ATG7: variants seen among roughly 807,000 people sequenced by gnomAD.
ATG7 encodes the protein ubiquitin-like modifier-activating enzyme ATG7.
ATG7 carries 70 observed loss-of-function variants against 82.4 expected under a neutral mutation model. The ratio of observed to expected loss-of-function variants is 0.85; its 90% CI spans 0.70 to 1.04. The LOEUF is 1.04. Among genes scored for constraint, ATG7 ranks in the 50% least tolerant of loss-of-function variants. The probability of loss-of-function intolerance (pLI) is 0.00; values close to 1 mark genes in which losing one functional copy is unlikely to be tolerated. For missense variants in ATG7, 792 were observed against 864.3 expected, an observed-to-expected ratio of 0.92 and a Z score of 1.05; for synonymous variants, 287 against 313.0, an observed-to-expected ratio of 0.92 and a Z score of 0.88.
At position 11,439,643 on chromosome 3, in the gene ATG7, G is replaced by A. The variant is rs535462078; in HGVS notation, c.2079+12717G>A. 9.9e-5 allele frequency among the ~76,000 whole-genome samples: 15 copies of A among 152,284 alleles called. No individual in the cohort carries two copies. The South Asian group carries it at 2.1e-3, about 21-fold the overall frequency. ...GGACTGCAAGGCAGTGGGTGTGCACGTGGTGCAGTAAGTTCTGCAGGGTTT... is the reference window on the plus strand; with the variant it reads ...GGACTGCAAGGCAGTGGGTGTGCACATGGTGCAGTAAGTTCTGCAGGGTTT... On this transcript the variant is annotated intron_variant, in intron 20 of 20. Transcript: ENST00000693202.
intron 20 of ATG7, among the ~76,000 whole-genome samples, chr3:11,522,440 A>G (rs2092466353): frequency 6.6e-6 from 1 of 151,700 alleles, no homozygotes; most frequent in Non-Finnish European, 1.5e-5. Context: ...ACACTGGGGA[A>G]TTCCGGAATA....
chr3:11,554,820 A>AT lies in ATG7; in HGVS notation c.2090dup (p.Met697IlefsTer4). On this transcript the variant is annotated frameshift_variant, in exon 21 of 21. Transcript: ENST00000693202. LOFTEE classifies it high-confidence loss of function. ...CCCCTTCTCCATGCAGATCTGGGAC[A>AT]TGAGCGATGATGAGACCATCTGAGA... 8 of 1,613,434 alleles carry AT rather than the reference A, an allele frequency of 5.0e-6. No individual in the cohort carries two copies. Among genetic ancestry groups the AT allele is most frequent in the Non-Finnish European group, 6.8e-6 (8 of 1,179,758 alleles).
At chr3:11,569,050 A>G in the ATG7 span, 1 of 549,794 alleles carries the variant, frequency 1.8e-6, no homozygotes, top group Non-Finnish European at 2.4e-6. Context: ...AAGCTAAGAA[A>G]CCAAGAATGT....
rs144239774 is a variant in ATG7 at position 11,451,171 on chromosome 3, G to T, written c.2079+24245G>T. Among the ~76,000 whole-genome samples, 1,277 of 151,420 alleles carry T rather than the reference G, an allele frequency of 8.4e-3. 10 individuals are homozygous for T. The highest frequency in any genetic ancestry group is 0.035 in the Middle Eastern group (10 of 286). ...GGAGGGTATCTTTTGAAAAGGACAG[G>T]CTGGAACAAGAACTTGATAAAATAG... On this transcript the variant is annotated intron_variant, in intron 20 of 20. Coordinates refer to ENST00000693202, the MANE Select transcript of ATG7 (RefSeq NM_001349232.2).
chr3:11,542,421 T>C (rs1278994761), intron 20 of ATG7, among the ~76,000 whole-genome samples: 2 of 152,186 alleles, frequency 1.3e-5, no homozygotes. Flanking sequence ...GAAACCTCAC[T>C]AAGGATTGCA....
intron 14 of ATG7, among the ~76,000 whole-genome samples, chr3:11,350,321 G>A (rs1575619782): frequency 2.0e-5 from 3 of 152,194 alleles, no homozygotes. Context: ...ATATTAGTTA[G>A]ATTTCTGCTG....
intron 11 of ATG7, among the ~76,000 whole-genome samples, chr3:11,337,781 G>A (rs547608900): frequency 3.2e-4 from 48 of 151,982 alleles, no homozygotes; most frequent in African/African-American, 8.7e-4. Flanking sequence ...ACAGACATGA[G>A]CCCAGCATCT....
chr3:11,542,288 G>A (rs752128940), intron 20 of ATG7, among the ~76,000 whole-genome samples: 2 of 148,938 alleles, frequency 1.3e-5, no homozygotes, highest in African/African-American at 2.5e-5. Flanking sequence ...CTTATTTAGC[G>A]ACATCCCCAG....
At chr3:11,397,430 T>TA (rs2079403065) in intron 19 of ATG7, among the ~76,000 whole-genome samples, 2 of 96 alleles carry the variant, frequency 0.021, no homozygotes, top group African/African-American at 0.083. Context: ...ATAAAATATA[T>TA]AAAAAATTTA....
At chr3:11,325,682 A>C (rs1028604972) in intron 9 of ATG7, among the ~76,000 whole-genome samples, 3 of 152,264 alleles carry the variant, frequency 2.0e-5, no homozygotes, top group African/African-American at 4.8e-5. Context: ...AAAAAAAAAA[A>C]AAAATTTTAT....
intron 9 of ATG7, among the ~76,000 whole-genome samples, chr3:11,327,481 G>A (rs1246951325): frequency 2.6e-5 from 4 of 152,242 alleles, no homozygotes; most frequent in Non-Finnish European, 5.9e-5. Context: ...GGATCAGATT[G>A]AGTGTATGTA....
intron 19 of ATG7, among the ~76,000 whole-genome samples, chr3:11,394,858 G>A (rs2079084129): frequency 6.6e-6 from 1 of 152,120 alleles, no homozygotes; most frequent in South Asian, 2.1e-4. Flanking sequence ...AGATAATTTT[G>A]CTGTTACAAT....
At chr3:11,411,619 CAAAAA>C (rs71055868) in intron 19 of ATG7, among the ~76,000 whole-genome samples, 2,981 of 71,582 alleles carry the variant, frequency 0.042, 59 homozygotes, top group Non-Finnish European at 0.069. Context: ...ACTCTGTCTC[CAAAAA>C]AAAAAAAAAA....
At chr3:11,368,229 TAAAAAAAAAAAAAAA>T (rs760208581) in intron 18 of ATG7, among the ~76,000 whole-genome samples, 1 of 109,340 alleles carries the variant, frequency 9.1e-6, no homozygotes, top group Admixed American at 9.7e-5. Flanking sequence ...TTCTTTTACT[TAAAAAAAAAAAAAAA>T]AAAAAAAAGA....
intron 20 of ATG7, among the ~76,000 whole-genome samples, chr3:11,473,083 C>G (rs955963061): frequency 1.3e-5 from 2 of 152,176 alleles, no homozygotes; most frequent in Admixed American, 1.3e-4. Context: ...TCAGCCCTGA[C>G]TGCCACTTGT....
intron 1 of ATG7, among the ~76,000 whole-genome samples, chr3:11,280,024 G>T (rs1245425199): frequency 6.6e-6 from 1 of 151,380 alleles, no homozygotes; most frequent in East Asian, 1.9e-4. Flanking sequence ...ATAACTAATG[G>T]AAGCCCCAAT....
intron 18 of ATG7, among the ~76,000 whole-genome samples, chr3:11,365,927 T>C (rs1276825121): frequency 6.6e-6 from 1 of 152,028 alleles, no homozygotes; most frequent in African/African-American, 2.4e-5. Context: ...CCACCCATAA[T>C]AGAACTTGTG....
At chr3:11,338,738 G>A (rs1020688787) in intron 11 of ATG7, among the ~76,000 whole-genome samples, 6 of 152,180 alleles carry the variant, frequency 3.9e-5, no homozygotes, top group African/African-American at 1.4e-4. Context: ...GGGGAAGGAC[G>A]TTTGTTTTCT....
chr3:11,351,168 C>T (rs2152796309), intron 14 of ATG7, among the ~76,000 whole-genome samples: 1 of 152,244 alleles, frequency 6.6e-6, no homozygotes, highest in South Asian at 2.1e-4. Flanking sequence ...TATTTAAGAC[C>T]TCCCGTGTTC....
Sources: allele counts gnomAD v4.1 joint callset (sites outside exome capture counted in the v4.1 genomes callset), GRCh38; gene constraint gnomAD v4.1.1; transcripts MANE v1.5; gene names NCBI Gene and HGNC (gene_info 2026-07-23, HGNC 2026-07-21).